The following ANKK1 variants were observed in gnomAD, a reference collection of about 807,000 sequenced individuals.
ANKK1 encodes the protein ankyrin repeat and kinase domain containing 1.
ANKK1 carries 37 observed loss-of-function variants against 37.6 expected under a neutral mutation model. The ratio of observed to expected loss-of-function variants is 0.98; its 90% CI spans 0.76 to 1.29. ANKK1 has a LOEUF of 1.29. Ranked by LOEUF, ANKK1 falls within the 50% of genes most tolerant of loss-of-function variation. The pLI, the probability that ANKK1 is intolerant of heterozygous loss-of-function variation, is 0.00. For synonymous variants in ANKK1, 415 were observed against 418.7 expected, an observed-to-expected ratio of 0.99 and a Z score of 0.11; for missense variants, 1,019 against 990.6, an observed-to-expected ratio of 1.03 and a Z score of -0.39.
rs1439582805 is a variant in ANKK1, at chr11:113,399,466, T to A, written c.1497T>A (p.His499Gln). 6.3e-7 allele frequency: 1 copy of A among 1,593,236 alleles called. No homozygotes were observed. Among genetic ancestry groups the A allele is most frequent in the South Asian group, 1.1e-5 (1 of 87,594 alleles). The change falls in exon 8 of 8, where the codon CAT (histidine) becomes CAA (glutamine). Residue 499 changes from histidine (H) to glutamine (Q), a missense_variant. Coordinates refer to ENST00000303941, the MANE Select transcript of ANKK1 (RefSeq NM_178510.2). ...LHEAEGKTPL[H>Q]VAAYFGHVSL... ...AGGCTGAGGGCAAGACCCCCCTCCA[T>A]GTGGCCGCCTACTTTGGCCATGTTA...
rs1242147090 is a variant in ANKK1, at chr11:113,397,061, C to T, written c.839-163C>T. On this transcript the variant is annotated intron_variant, in intron 5 of 7. Transcript: ENST00000303941. ...GGGTCAGTGACTTGCTGAAGGTGCC[C>T]CACCATGACCCAGGTTTCCTGCCTT... Among the ~76,000 whole-genome samples the T allele has an allele frequency of 2.0e-5, 3 of 152,278 alleles. No homozygotes were observed. In the East Asian group the frequency reaches 5.8e-4, roughly 29 times the overall value.
In ANKK1 at chr11:113,399,615, G is replaced by T. The variant is rs758224977; in HGVS notation, c.1646G>T (p.Ser549Ile). The change falls in exon 8 of 8, where the codon AGT becomes ATT. Residue 549 changes from serine to isoleucine, a missense_variant. Transcript: ENST00000303941. ...KVRAIQHLLK[S>I]GAVPDALDQS... ...AGGGCCATCCAACACCTGCTGAAGA[G>T]TGGAGCGGTCCCTGATGCCCTTGAC... 4.4e-6 allele frequency: 7 copies of T among 1,606,886 alleles called. No homozygotes were observed. The highest frequency in any genetic ancestry group is 2.2e-5 in the South Asian group (2 of 89,532).
Position 113,400,126 on chromosome 11 carries a change from C to A in ANKK1, c.2157C>A (p.Asp719Glu). ...TGGTCGAGGCAGGCGCCCAGCTGGACGTCCAGGATGGAGTGAGCTGCACAC... is the reference window on the plus strand; with the variant it reads ...TGGTCGAGGCAGGCGCCCAGCTGGAAGTCCAGGATGGAGTGAGCTGCACAC... The part of the protein sequence containing the change: ...KVLVEAGAQL[D>E]VQDGVSCTPL... The change falls in exon 8 of 8, where the codon GAC becomes GAA. Residue 719 changes from aspartate (D) to glutamate (E), a missense_variant. Coordinates refer to ENST00000303941, the MANE Select transcript of ANKK1 (RefSeq NM_178510.2). 1 of 1,610,850 alleles carries A rather than the reference C, an allele frequency of 6.2e-7. No individual in the cohort carries two copies. The highest frequency in any genetic ancestry group is 1.1e-5 in the South Asian group (1 of 90,614).
intron 4 of ANKK1, among the ~76,000 whole-genome samples, chr11:113,395,860 G>C (rs71477207): frequency 6.6e-6 from 1 of 152,206 alleles, no homozygotes; most frequent in African/African-American, 2.4e-5. Context: ...CTTGACCTGG[G>C]AGGCAGCTGG....
Position 113,399,201 on chromosome 11 carries a change from G to A in ANKK1, c.1232G>A (p.Cys411Tyr), listed in dbSNP as rs528066691. The A allele has an allele frequency of 2.5e-6, 4 of 1,603,404 alleles. No homozygotes were observed. The South Asian group carries it at 3.4e-5, about 14-fold the overall frequency. The change falls in exon 8 of 8, where the codon TGT (cysteine) becomes TAT (tyrosine). Residue 411 changes from cysteine (C) to tyrosine (Y), a missense_variant. Transcript: ENST00000303941. ...GCCCAGGACCAGCAACCCGACCTCT[G>A]TGCCCTGCTTTTGGCACATGGTGCT... ...IAAQDQQPDL[C>Y]ALLLAHGADA... is the part of the protein sequence containing the mutation.
chr11:113,399,391 G>C lies in ANKK1; in HGVS notation c.1422G>C (p.Glu474Asp). 1 of 1,601,024 alleles carries C rather than the reference G, an allele frequency of 6.2e-7. No individual in the cohort carries two copies. Among genetic ancestry groups the C allele is most frequent in the Non-Finnish European group, 8.5e-7 (1 of 1,174,150 alleles). The change falls in exon 8 of 8, where the codon GAG (glutamate) becomes GAC (aspartate). Residue 474 changes from glutamate (E) to aspartate (D), a missense_variant. Glu to Asp is a conservative substitution (Grantham distance 45). Transcript: ENST00000303941. ...PLHLAAQNNF[E>D]NVARLLVSRQ... ...ACCTGGCTGCACAGAATAACTTTGA[G>C]AATGTGGCACGGCTTCTGGTCTCCC...
chr11:113,399,858 T>A lies in ANKK1; in HGVS notation c.1889T>A (p.Leu630Gln). 3 of 1,612,278 alleles carry A rather than the reference T, an allele frequency of 1.9e-6. No individual in the cohort carries two copies. Among genetic ancestry groups the A allele is most frequent in the Non-Finnish European group, 2.5e-6 (3 of 1,179,462 alleles). ...CTTGGAGCTGTGAACTGGACTCCCC[T>A]GCACCTAGCTGCACGCCACGGGGAG... Reference protein sequence around the residue: ...GALGAVNWTPLHLAARHGEEA... With the variant: ...GALGAVNWTPQHLAARHGEEA... The change falls in exon 8 of 8, where the codon CTG (leucine) becomes CAG (glutamine). Residue 630 changes from leucine to glutamine, a missense_variant. By Grantham distance (113) the Leu-to-Gln change is moderately radical. Coordinates refer to ENST00000303941, the MANE Select transcript of ANKK1 (RefSeq NM_178510.2).
In ANKK1 at chr11:113,399,013, T is replaced by G. The variant is rs542555626; in HGVS notation, c.1044T>G (p.Asn348Lys). 2.5e-6 allele frequency: 4 copies of G among 1,600,076 alleles called. No homozygotes were observed. The African/African-American group carries it at 5.4e-5, about 21-fold the overall frequency. The change falls in exon 8 of 8, where the codon AAT becomes AAG. Residue 348 changes from asparagine to lysine, a missense_variant. Asn to Lys is a moderately conservative substitution (Grantham distance 94, BLOSUM62 0). Transcript: ENST00000303941. ...CCCTTCAGCTCTCCGACCGTAAGAA[T>G]TTGGTCCCGAGAGATGAGGAACTGT... ...KRALQLSDRKNLVPRDEELCI... is the reference protein window; with the variant it reads ...KRALQLSDRKKLVPRDEELCI...
Position 113,388,021 on chromosome 11 carries a change from C to A in ANKK1, c.137C>A (p.Thr46Lys). ...VFQARHRRWR[T>K]EYAIKCAPCL... ...CAGGCGCGGCACAGGCGCTGGCGGACGGAGTACGCCATCAAGTGCGCCCCC... is the reference window on the plus strand; with the variant it reads ...CAGGCGCGGCACAGGCGCTGGCGGAAGGAGTACGCCATCAAGTGCGCCCCC... The change falls in exon 1 of 8, where the codon ACG becomes AAG. Residue 46 changes from threonine to lysine, a missense_variant. By Grantham distance (78) the Thr-to-Lys change is moderately conservative. Transcript: ENST00000303941. 2 of 1,553,254 alleles carry A rather than the reference C, an allele frequency of 1.3e-6. No homozygotes were observed. Among genetic ancestry groups the A allele is most frequent in the Non-Finnish European group, 1.7e-6 (2 of 1,151,748 alleles).
chr11:113,399,522 C>T lies in ANKK1; in HGVS notation c.1553C>T (p.Ala518Val), dbSNP rs1190801090. 1.3e-6 allele frequency: 2 copies of T among 1,595,600 alleles called. No homozygotes were observed. Among genetic ancestry groups the T allele is most frequent in the African/African-American group, 2.7e-5 (2 of 74,680 alleles). Residue 518 changes from alanine (A) to valine (V), a missense_variant, in exon 8 of 8, where the codon GCT becomes GTT. Physicochemically the swap from Ala to Val is moderately conservative, Grantham distance 64. Coordinates refer to ENST00000303941, the MANE Select transcript of ANKK1 (RefSeq NM_178510.2). Reference protein sequence around the residue: ...SLVKLLTSQGAELDAQQRNLR... With the variant: ...SLVKLLTSQGVELDAQQRNLR... ...GTCAAGCTGCTGACCAGCCAGGGGG[C>T]TGAGTTGGATGCTCAGCAGAGAAAC...
At chr11:113,397,184 C>T (rs1459379717) in intron 5 of ANKK1, 40 bp from the exon 6 acceptor site, 5 of 1,552,348 alleles carry the variant, frequency 3.2e-6, no homozygotes, top group South Asian at 1.1e-5. Context: ...TGGGCCAGCC[C>T]GTTGCTTCCT....
chr11:113,400,386 GTC>G lies in ANKK1; in HGVS notation c.*123_*124del. 1 of 1,070,910 alleles carries G rather than the reference GTC, an allele frequency of 9.3e-7. No individual in the cohort carries two copies. Among genetic ancestry groups the G allele is most frequent in the South Asian group, 1.7e-5 (1 of 59,314 alleles). The allele number at this position is 1,070,910 out of a possible 1,614,324, so 66.3% of individuals were successfully genotyped here. On this transcript the variant is annotated 3_prime_UTR_variant, in exon 8 of 8. Transcript: ENST00000303941. ...AGCCTGGCCAACATGGCAAAACCCT[GTC>G]TCTGCTAAAAATACAAAATTTAGCT...
rs111789052 is a variant in ANKK1, at chr11:113,388,040, C to T, written c.156C>T (p.Cys52=). ...GGCGGACGGAGTACGCCATCAAGTG[C>T]GCCCCCTGCCTTCCACCCGACGCCG... ...RRWRTEYAIK[C]APCLPPDAAS... The change falls in exon 1 of 8, where the codon TGC becomes TGT. Residue 52 remains cysteine, a synonymous_variant. Coordinates refer to ENST00000303941, the MANE Select transcript of ANKK1 (RefSeq NM_178510.2). The T allele has an allele frequency of 2.0e-6, 3 of 1,530,830 alleles. No individual in the cohort carries two copies. The highest frequency in any genetic ancestry group is 2.6e-6 in the Non-Finnish European group (3 of 1,137,330). The allele number at this position is 1,530,830 out of a possible 1,614,324, so 94.8% of individuals were successfully genotyped here. A position where few individuals can be genotyped will look rare whatever the true frequency, so the allele number is the denominator to read the frequency against.
At position 113,400,295 on chromosome 11, in the gene ANKK1, G is replaced by C. The variant is rs940438684; in HGVS notation, c.*28G>C. On this transcript the variant is annotated 3_prime_UTR_variant, in exon 8 of 8. Coordinates refer to ENST00000303941, the MANE Select transcript of ANKK1 (RefSeq NM_178510.2). ...AACTTGGCCAGCCGTGGTGGCTCAC[G>C]TCTGTAATCCCAGCACTTTGGGAGG... is the stretch of plus-strand genomic sequence containing the variant. The C allele has an allele frequency of 1.3e-6, 2 of 1,509,216 alleles. No individual in the cohort carries two copies. The highest frequency in any genetic ancestry group is 2.5e-5 in the South Asian group (2 of 78,838). 93.5% of individuals were successfully genotyped at this position (1,509,216 alleles called of 1,614,324 possible).
At chr11:113,388,210 G>A (rs1565647712) in intron 1 of ANKK1, 141 bp downstream of exon 1, 4 of 1,169,662 alleles carry the variant, frequency 3.4e-6, no homozygotes, top group South Asian at 3.6e-5. Flanking sequence ...ATTCCACCCA[G>A]TAGCCTGAGC....
chr11:113,393,878 G>T (rs575543511), intron 2 of ANKK1, 103 bp downstream of exon 2: 2 of 1,332,274 alleles, frequency 1.5e-6, no homozygotes, highest in African/African-American at 1.5e-5. Context: ...GTTTTAAGCA[G>T]TTCCCTTCAT....
chr11:113,396,359 T>G, intron 5 of ANKK1, 137 bp downstream of exon 5: 2 of 814,062 alleles, frequency 2.5e-6, no homozygotes, highest in Non-Finnish European at 3.7e-6. Context: ...TTTTTTTTTT[T>G]CAGAGACACG....
chr11:113,394,754 T>G, intron 2 of ANKK1, 175 bp from the exon 3 acceptor site: 2 of 824,602 alleles, frequency 2.4e-6, no homozygotes, highest in Non-Finnish European at 4.0e-6. Context: ...TCTGAGAAGA[T>G]AAGTAATTTG....
At chr11:113,391,191 A>G (rs1166663612) in intron 1 of ANKK1, among the ~76,000 whole-genome samples, 2 of 152,214 alleles carry the variant, frequency 1.3e-5, no homozygotes, top group African/African-American at 2.4e-5. Flanking sequence ...GTGGGACCAC[A>G]CTGGGCATGG....
Sources: gnomAD v4.1 joint callset for allele counts (sites outside exome capture counted in the v4.1 genomes callset) on GRCh38, gnomAD v4.1.1 for gene constraint, MANE v1.5 for transcripts, NCBI Gene and HGNC (gene_info 2026-07-23, HGNC 2026-07-21) for gene names.